The following CDH13 variants were observed in gnomAD, a reference collection of about 807,000 sequenced individuals.
The protein encoded by CDH13 is cadherin-13.
In CDH13, 24 loss-of-function variants were observed where a neutral mutation model predicts 63.8. That is an observed-to-expected ratio of 0.38 (90% CI 0.27 to 0.53). The LOEUF is 0.53. Ranked by LOEUF, CDH13 falls within the 20% of genes least tolerant of loss-of-function variation. CDH13 has a pLI of 0.85. For synonymous variants in CDH13, 503 were observed against 355.3 expected, an observed-to-expected ratio of 1.42 and a Z score of -4.67; for missense variants, 1,049 against 903.1, an observed-to-expected ratio of 1.16 and a Z score of -2.07.
intron 11 of CDH13, among the ~76,000 whole-genome samples, chr16:83,765,554 A>G (rs1314934367): frequency 1.8e-5 from 2 of 112,250 alleles, no homozygotes; most frequent in Admixed American, 2.1e-4. Context: ...ATATATATAT[A>G]CACACACACA....
At chr16:83,680,442 C>T (rs577837122) in intron 10 of CDH13, among the ~76,000 whole-genome samples, 5 of 152,222 alleles carry the variant, frequency 3.3e-5, no homozygotes, top group African/African-American at 9.6e-5. Flanking sequence ...CCCATAGGTG[C>T]AGTCCCAGCA....
chr16:82,628,516 A>T (rs142497233), intron 1 of CDH13, among the ~76,000 whole-genome samples: 1 of 152,118 alleles, frequency 6.6e-6, no homozygotes, highest in Non-Finnish European at 1.5e-5. Flanking sequence ...AAATGCAGTG[A>T]TGGGTGATAG....
chr16:82,859,958 G>A lies in CDH13; in HGVS notation c.157+1485G>A, dbSNP rs1482030250. The stretch of plus-strand genomic sequence containing the variant: ...TGGCACAATAAGTGAATTCCAATAT[G>A]TGATTTCCTGCTCATTTGATCTCTG... On this transcript the variant is annotated intron_variant, in intron 2 of 13. Transcript: ENST00000567109. 2.6e-5 allele frequency among the ~76,000 whole-genome samples: 4 copies of A among 152,190 alleles called. No homozygotes were observed. In the East Asian group the frequency reaches 7.7e-4, roughly 29 times the overall value.
At chr16:83,506,185 G>A (rs2074390050) in intron 7 of CDH13, among the ~76,000 whole-genome samples, 2 of 152,216 alleles carry the variant, frequency 1.3e-5, no homozygotes, top group African/African-American at 4.8e-5. Context: ...AGAAGATGCT[G>A]TCTTCATTAA....
At chr16:82,918,097 G>T (rs1451421182) in intron 2 of CDH13, among the ~76,000 whole-genome samples, 2 of 152,160 alleles carry the variant, frequency 1.3e-5, no homozygotes, top group East Asian at 1.9e-4. Flanking sequence ...CGAGGCAGCT[G>T]GTGCCCTGGT....
chr16:82,945,206 C>A (rs1597265538), intron 2 of CDH13, among the ~76,000 whole-genome samples: 1 of 152,196 alleles, frequency 6.6e-6, no homozygotes, highest in African/African-American at 2.4e-5. Context: ...ACTTTGTGGG[C>A]CATGAAGTTT....
At chr16:82,884,986 C>T (rs937353884) in intron 2 of CDH13, among the ~76,000 whole-genome samples, 1 of 152,136 alleles carries the variant, frequency 6.6e-6, no homozygotes, top group African/African-American at 2.4e-5. Context: ...GTTGGGTGGA[C>T]TTACCCATAT....
At chr16:83,206,625 C>G (rs543869480) in intron 4 of CDH13, among the ~76,000 whole-genome samples, 1 of 152,334 alleles carries the variant, frequency 6.6e-6, no homozygotes, top group South Asian at 2.1e-4. Flanking sequence ...CTGTGGGATA[C>G]CAGCGAATAC....
chr16:83,472,085 C>G (rs548798782), intron 6 of CDH13, among the ~76,000 whole-genome samples: 1 of 152,306 alleles, frequency 6.6e-6, no homozygotes, highest in East Asian at 1.9e-4. Context: ...AACACAGTGT[C>G]CTGGGCTGAA....
intron 5 of CDH13, among the ~76,000 whole-genome samples, chr16:83,313,759 A>C (rs759316280): frequency 1.3e-5 from 2 of 151,750 alleles, no homozygotes; most frequent in Admixed American, 6.6e-5. Flanking sequence ...CCATTATTTT[A>C]GTTAATGTTG....
At chr16:82,817,254 C>T (rs79341749) in intron 1 of CDH13, among the ~76,000 whole-genome samples, 3,402 of 152,068 alleles carry the variant, frequency 0.022, 115 homozygotes, top group African/African-American at 0.077. Flanking sequence ...TCTATCCAGC[C>T]CTACACCCAG....
At chr16:82,677,991 T>G (rs1914124811) in intron 1 of CDH13, among the ~76,000 whole-genome samples, 1 of 152,152 alleles carries the variant, frequency 6.6e-6, no homozygotes, top group Non-Finnish European at 1.5e-5. Context: ...TAGTTGCAAA[T>G]CTAGCATAAT....
chr16:82,766,327 C>T (rs2035052603), intron 1 of CDH13, among the ~76,000 whole-genome samples: 2 of 152,310 alleles, frequency 1.3e-5, no homozygotes, highest in South Asian at 2.1e-4. Flanking sequence ...CAGGTCCAAA[C>T]TGTTTCTGAA....
intron 1 of CDH13, among the ~76,000 whole-genome samples, chr16:82,757,408 G>A (rs2034651948): frequency 8.8e-6 from 1 of 113,736 alleles, no homozygotes; most frequent in Admixed American, 1.1e-4. Flanking sequence ...GCTTTACCTG[G>A]GTATAGGGCA....
intron 4 of CDH13, among the ~76,000 whole-genome samples, chr16:83,197,763 C>G (rs981745760): frequency 1.3e-5 from 2 of 151,700 alleles, no homozygotes; most frequent in Non-Finnish European, 2.9e-5. Flanking sequence ...ACTAAATACA[C>G]ACACACACAC....
At chr16:82,965,509 A>G (rs983640809) in intron 2 of CDH13, among the ~76,000 whole-genome samples, 2 of 152,200 alleles carry the variant, frequency 1.3e-5, no homozygotes, top group African/African-American at 4.8e-5. Flanking sequence ...TTGAATACTG[A>G]TAAGTGAATT....
rs774628684 is a variant in CDH13 at position 83,748,240 on chromosome 16, A to C, written c.1671A>C (p.Ala557=). The part of the protein sequence containing the change: ...DNSVYTALFL[A]IDSGNPPATG... ...GCGTGTACACTGCTCTCTTCCTGGC[A>C]ATTGACAGTGGTGAGTACTTGACAA... Residue 557 remains alanine (A), a synonymous_variant, in exon 11 of 14, where the codon GCA becomes GCC. Coordinates refer to ENST00000567109, the MANE Select transcript of CDH13 (RefSeq NM_001257.5). 4 of 1,609,068 alleles carry C rather than the reference A, an allele frequency of 2.5e-6. No homozygotes were observed. The South Asian group carries it at 4.4e-5, about 18-fold the overall frequency.
At chr16:82,839,078 C>G (rs1456473428) in intron 1 of CDH13, among the ~76,000 whole-genome samples, 1 of 152,196 alleles carries the variant, frequency 6.6e-6, no homozygotes, top group African/African-American at 2.4e-5. Context: ...TGACAATAGG[C>G]TAAGATGTGG....
At chr16:82,949,307 T>C (rs1176327985) in intron 2 of CDH13, among the ~76,000 whole-genome samples, 1 of 152,200 alleles carries the variant, frequency 6.6e-6, no homozygotes, top group African/African-American at 2.4e-5. Context: ...CTCTGCTTTG[T>C]TCCTCACACA....
Sources: gnomAD v4.1 joint callset for allele counts (sites outside exome capture counted in the v4.1 genomes callset) on GRCh38, gnomAD v4.1.1 for gene constraint, MANE v1.5 for transcripts, NCBI Gene and HGNC (gene_info 2026-07-23, HGNC 2026-07-21) for gene names.